BLTP1: variants seen among roughly 807,000 people sequenced by gnomAD.
The protein encoded by BLTP1 is bridge-like lipid transfer protein family member 1.
chr4:122,235,449 C>T, the BLTP1 span: 2 of 969,996 alleles, frequency 2.1e-6, no homozygotes, highest in African/African-American at 3.5e-5. Context: ...ATTATATTTG[C>T]AGAATAGTTT....
chr4:122,153,511 C>G, the BLTP1 span, among the ~76,000 whole-genome samples: 1 of 152,072 alleles, frequency 6.6e-6, no homozygotes, highest in Non-Finnish European at 1.5e-5. Flanking sequence ...ACAGAATAGA[C>G]CTACAAAGTA....
chr4:122,281,840 T>G, the BLTP1 span: 1 of 1,419,078 alleles, frequency 7.0e-7, no homozygotes, highest in Non-Finnish European at 9.3e-7. Context: ...AGTAATATTT[T>G]GATAAAAAGG....
the BLTP1 span, chr4:122,226,009 C>G: frequency 5.3e-5 from 8 of 152,172 alleles, no homozygotes; most frequent in African/African-American, 1.9e-4. Context: ...CTTGGCATCA[C>G]TGTTTGCTGC....
the BLTP1 span, among the ~76,000 whole-genome samples, chr4:122,342,589 C>T: frequency 2.0e-5 from 3 of 152,058 alleles, no homozygotes; most frequent in Non-Finnish European, 2.9e-5. Flanking sequence ...CTCCTGACCT[C>T]GTGATCTGCC....
the BLTP1 span, among the ~76,000 whole-genome samples, chr4:122,182,434 A>T: frequency 6.6e-6 from 1 of 152,070 alleles, no homozygotes; most frequent in African/African-American, 2.4e-5. Context: ...CTATTACCCC[A>T]TTACCTTAAA....
the BLTP1 span, among the ~76,000 whole-genome samples, chr4:122,282,882 TC>T: frequency 1.3e-5 from 2 of 152,164 alleles, no homozygotes; most frequent in Non-Finnish European, 1.5e-5. Flanking sequence ...AGTTGATGGT[TC>T]TTTTTTTTTG....
the BLTP1 span, chr4:122,256,085 A>G: frequency 2.0e-6 from 2 of 983,114 alleles, no homozygotes; most frequent in African/African-American, 3.5e-5. Flanking sequence ...TCATGATTAG[A>G]GTTTTAGAAC....
chr4:122,276,505 A>G, the BLTP1 span: 1 of 983,398 alleles, frequency 1.0e-6, no homozygotes, highest in South Asian at 4.7e-5. Context: ...TACTATATGT[A>G]AATATGTGTT....
At chr4:122,346,552 T>C in the BLTP1 span, 2 of 1,560,534 alleles carry the variant, frequency 1.3e-6, no homozygotes, top group Non-Finnish European at 1.7e-6. Context: ...AATAACCCTG[T>C]CTTATACCTA....
the BLTP1 span, chr4:122,245,266 A>G: frequency 4.0e-6 from 3 of 742,438 alleles, no homozygotes; most frequent in South Asian, 1.9e-5. Context: ...AAAAGCGTTT[A>G]TATGTCATTG....
chr4:122,346,669 A>G, the BLTP1 span: 1 of 1,613,470 alleles, frequency 6.2e-7, no homozygotes. Flanking sequence ...ATATGCGCCG[A>G]CTCAGTGAAA....
At chr4:122,245,164 G>T in the BLTP1 span, 2 of 1,576,760 alleles carry the variant, frequency 1.3e-6, no homozygotes, top group Non-Finnish European at 1.7e-6. Context: ...AATTCAATGG[G>T]CATAGCAAAT....
chr4:122,222,965 G>A, the BLTP1 span: 18 of 950,076 alleles, frequency 1.9e-5, no homozygotes, highest in African/African-American at 2.8e-4. Flanking sequence ...AGATCCACAT[G>A]TAATTTTGAG....
chr4:122,246,428 A>G, the BLTP1 span: 3 of 1,069,754 alleles, frequency 2.8e-6, no homozygotes, highest in Admixed American at 3.2e-5. Context: ...TTTTATTTCT[A>G]TGATCTAATG....
At chr4:122,225,098 T>C in the BLTP1 span, 1 of 821,076 alleles carries the variant, frequency 1.2e-6, no homozygotes, top group Non-Finnish European at 1.5e-6. Flanking sequence ...GATTTGAAAG[T>C]AGCCCTTATG....
the BLTP1 span, chr4:122,174,740 G>T: frequency 9.9e-7 from 1 of 1,011,742 alleles, no homozygotes; most frequent in African/African-American, 1.7e-5. Flanking sequence ...TATTGAATGT[G>T]ACTTGCTTCT....
the BLTP1 span, among the ~76,000 whole-genome samples, chr4:122,311,166 A>G: frequency 4.6e-5 from 7 of 152,312 alleles, no homozygotes; most frequent in African/African-American, 1.7e-4. Context: ...CAAATGCATA[A>G]GATATAAAAT....
At chr4:122,175,090 A>C in the BLTP1 span, 7 of 961,614 alleles carry the variant, frequency 7.3e-6, no homozygotes, top group Non-Finnish European at 7.4e-6. Flanking sequence ...ATATGAATAT[A>C]ATAAGGATAT....
chr4:122,285,519 G>T, the BLTP1 span, among the ~76,000 whole-genome samples: 4 of 152,122 alleles, frequency 2.6e-5, no homozygotes, highest in African/African-American at 7.2e-5. Flanking sequence ...AGATGCCCCA[G>T]TTGGTGAGTG....
Sources: allele counts gnomAD v4.1 joint callset (sites outside exome capture counted in the v4.1 genomes callset), GRCh38; gene constraint gnomAD v4.1.1; transcripts MANE v1.5; gene names NCBI Gene and HGNC (gene_info 2026-07-23, HGNC 2026-07-21).